Variants in MBTPS1 observed in about 807,000 individuals in gnomAD.
The protein encoded by MBTPS1 is membrane bound transcription factor peptidase, site 1, also known as membrane-bound transcription factor site-1 protease.
Under a neutral mutation model 127.8 loss-of-function variants are expected in MBTPS1, and 94 were observed. The observed-to-expected ratio is 0.74, with a 90% CI of 0.62 to 0.87. The LOEUF (loss-of-function observed/expected upper bound fraction) is 0.87, where lower values mean the gene tolerates loss of function less well. MBTPS1 is among the 40% of genes least tolerant of loss of function. The probability of loss-of-function intolerance (pLI) is 0.00; values close to 1 mark genes in which losing one functional copy is unlikely to be tolerated. For missense variants in MBTPS1, 1,636 were observed against 1,353.2 expected (o/e 1.21, Z -3.28); for synonymous variants, 632 against 509.4 (o/e 1.24, Z -3.24).
chr16:84,068,741 T>C (rs998631302), intron 14 of MBTPS1, among the ~76,000 whole-genome samples: 1 of 152,254 alleles, frequency 6.6e-6, no homozygotes, highest in Non-Finnish European at 1.5e-5. Context: ...GGACCATCAC[T>C]GTAGCAGTCG....
chr16:84,109,923 G>A (rs912653630), intron 1 of MBTPS1, among the ~76,000 whole-genome samples: 1 of 152,114 alleles, frequency 6.6e-6, no homozygotes, highest in African/African-American at 2.4e-5. Context: ...TAAAACACCG[G>A]GGGATAATGG....
chr16:84,073,165 T>G (rs1049205758), intron 12 of MBTPS1, among the ~76,000 whole-genome samples: 2 of 152,304 alleles, frequency 1.3e-5, no homozygotes, highest in Admixed American at 1.3e-4. Context: ...GATGGAGTGT[T>G]GCTCTGTCAC....
rs573295437 is a variant in MBTPS1 at position 84,101,544 on chromosome 16, G to C, written c.163+77C>G. On this transcript the variant is annotated intron_variant, in intron 2 of 22. Transcript: ENST00000343411. ...GTAGAAAAGAGGAACATGTTATTCA[G>C]CAATAGCTAATTTTATATTAAGTAA... 1.9e-5 allele frequency: 24 copies of C among 1,236,938 alleles called. No homozygotes were observed. In the African/African-American group the frequency reaches 3.2e-4, roughly 17 times the overall value. 76.6% of individuals were successfully genotyped at this position (1,236,938 alleles called of 1,614,324 possible).
At position 84,101,703 on chromosome 16, in the gene MBTPS1, C is replaced by T. The variant is rs764922146; in HGVS notation, c.81G>A (p.Lys27=). The T allele has an allele frequency of 2.5e-6, 4 of 1,614,176 alleles. No homozygotes were observed. The South Asian group carries it at 3.3e-5, about 13-fold the overall frequency. ...GKKHLGDRLE[K]KSFEKAPCPG... ...GGCATGGGGCCTTTTCAAAAGATTT[C>T]TTTTCCAGTCTGTCGCCCAGATGTT... The change falls in exon 2 of 23, where the codon AAG becomes AAA. Residue 27 remains lysine (K), a synonymous_variant. Coordinates refer to ENST00000343411, the MANE Select transcript of MBTPS1 (RefSeq NM_003791.4).
At position 84,085,047 on chromosome 16, in the gene MBTPS1, G is replaced by A. The variant is rs760144119; in HGVS notation, c.1222C>T (p.Arg408Trp). ...VRGSGVKGGCRALSGTSVASP... is the reference protein window; with the variant it reads ...VRGSGVKGGCWALSGTSVASP... ...GCAACACTGGTCCCTGAGAGGGCCC[G>A]GCACCCCCCTTTCACGCCAGAACCC... is the stretch of plus-strand genomic sequence containing the variant. The change falls in exon 10 of 23, where the codon CGG becomes TGG. Residue 408 changes from arginine to tryptophan, a missense_variant. By Grantham distance (101) the Arg-to-Trp change is moderately radical. Coordinates refer to ENST00000343411, the MANE Select transcript of MBTPS1 (RefSeq NM_003791.4). 2.6e-5 allele frequency: 42 copies of A among 1,614,138 alleles called. No homozygotes were observed. Among genetic ancestry groups the A allele is most frequent in the Admixed American group, 3.3e-5 (2 of 60,016 alleles).
At chr16:84,111,080 T>C (rs763270272) in intron 1 of MBTPS1, among the ~76,000 whole-genome samples, 2 of 152,222 alleles carry the variant, frequency 1.3e-5, no homozygotes, top group Non-Finnish European at 2.9e-5. Flanking sequence ...CTGGGAATGT[T>C]ACTTTACACA....
intron 8 of MBTPS1, among the ~76,000 whole-genome samples, chr16:84,089,763 G>C (rs1162997453): frequency 6.6e-6 from 1 of 152,166 alleles, no homozygotes; most frequent in African/African-American, 2.4e-5. Flanking sequence ...GAAGAGCTGG[G>C]GTGGGAAAAG....
chr16:84,074,736 C>T lies in MBTPS1; in HGVS notation c.1454G>A (p.Ser485Asn), dbSNP rs745614764. 17 of 1,612,442 alleles carry T rather than the reference C, an allele frequency of 1.1e-5. No individual in the cohort carries two copies. In the South Asian group the frequency reaches 1.5e-4, roughly 15 times the overall value. Residue 485 changes from serine (S) to asparagine (N), a missense_variant, in exon 12 of 23, where the codon AGC becomes AAC. Ser to Asn is a conservative substitution (Grantham distance 46). Coordinates refer to ENST00000343411, the MANE Select transcript of MBTPS1 (RefSeq NM_003791.4). ...CTCAGTCAGATCTATGTAGCTGGGG[C>T]TCAAACTGAAATAAAGAATACAGTG... ...LNSYKPQASL[S>N]PSYIDLTECP...
At chr16:84,102,495 G>C (rs2086270896) in intron 1 of MBTPS1, among the ~76,000 whole-genome samples, 1 of 151,950 alleles carries the variant, frequency 6.6e-6, no homozygotes, top group African/African-American at 2.4e-5. Flanking sequence ...AAATCAATGA[G>C]AAAAATGGAA....
At chr16:84,085,568 C>A (rs965370955) in intron 9 of MBTPS1, among the ~76,000 whole-genome samples, 4 of 77,322 alleles carry the variant, frequency 5.2e-5, no homozygotes, top group Admixed American at 3.0e-4. Context: ...CAGCCCCGCA[C>A]CCGCCCCCCC....
intron 11 of MBTPS1, 130 bp from the exon 12 acceptor site, chr16:84,074,871 C>T: frequency 1.3e-6 from 1 of 768,836 alleles, no homozygotes; most frequent in Non-Finnish European, 2.0e-6. Context: ...CTGCCCTAGG[C>T]TGGCATCTGG....
chr16:84,107,349 G>A (rs1441508993), intron 1 of MBTPS1, among the ~76,000 whole-genome samples: 9 of 152,300 alleles, frequency 5.9e-5, no homozygotes, highest in Admixed American at 3.3e-4. Context: ...TGGCTGGAAG[G>A]AAGGTGCCTT....
chr16:84,063,264 C>G (rs775061695), intron 19 of MBTPS1, 41 bp downstream of exon 19: 1 of 1,589,866 alleles, frequency 6.3e-7, no homozygotes, highest in East Asian at 2.3e-5. Context: ...AAGAAAGGAT[C>G]TGAGTGCCGA....
chr16:84,066,033 T>G (rs951310085), intron 17 of MBTPS1, among the ~76,000 whole-genome samples: 2 of 152,178 alleles, frequency 1.3e-5, no homozygotes, highest in African/African-American at 4.8e-5. Flanking sequence ...GGTTTCTGAA[T>G]AGATGTTATA....
At chr16:84,092,441 T>C (rs140255680) in intron 6 of MBTPS1, among the ~76,000 whole-genome samples, 1 of 152,360 alleles carries the variant, frequency 6.6e-6, no homozygotes, top group East Asian at 1.9e-4. Flanking sequence ...ATTAAGATTA[T>C]GTTTTTAAAG....
chr16:84,097,898 C>A (rs1212568557), intron 3 of MBTPS1, among the ~76,000 whole-genome samples: 1 of 148,528 alleles, frequency 6.7e-6, no homozygotes, highest in East Asian at 2.0e-4. Flanking sequence ...TGCAGCAAAA[C>A]CTCAGAGGCT....
At chr16:84,062,775 G>C (rs958226841) in intron 19 of MBTPS1, among the ~76,000 whole-genome samples, 2 of 152,314 alleles carry the variant, frequency 1.3e-5, no homozygotes, top group South Asian at 2.1e-4. Flanking sequence ...GGAGGGAAGA[G>C]GACTGGCATG....
In MBTPS1 at chr16:84,074,610, C is replaced by G. The variant is rs2151151133; in HGVS notation, c.1580G>C (p.Arg527Thr). ...TILNGMGVTG[R>T]IVDKPDWQPY... ...GAGAAGTTTCACCTTATCTACAATT[C>G]TTCCTGTGACTCCCATGCCGTTGAG... Residue 527 changes from arginine to threonine, a missense_variant, in exon 12 of 23, where the codon AGA becomes ACA. By Grantham distance (71) the Arg-to-Thr change is moderately conservative. Transcript: ENST00000343411. 1 of 1,613,924 alleles carries G rather than the reference C, an allele frequency of 6.2e-7. No homozygotes were observed. The highest frequency in any genetic ancestry group is 2.2e-5 in the East Asian group (1 of 44,882).
At chr16:84,080,347 G>C (rs1306325501) in intron 11 of MBTPS1, among the ~76,000 whole-genome samples, 1 of 152,222 alleles carries the variant, frequency 6.6e-6, no homozygotes, top group African/African-American at 2.4e-5. Context: ...AATCACCAAA[G>C]GCAAGAACCA....
Sources: gnomAD v4.1 joint callset for allele counts (sites outside exome capture counted in the v4.1 genomes callset) on GRCh38, gnomAD v4.1.1 for gene constraint, MANE v1.5 for transcripts, NCBI Gene and HGNC (gene_info 2026-07-23, HGNC 2026-07-21) for gene names.